Variants in B3GALNT2 observed in about 807,000 individuals in gnomAD.
B3GALNT2 encodes UDP-GalNAc:beta-1,3-N-acetylgalactosaminyltransferase 2.
Under a neutral mutation model 61.1 loss-of-function variants are expected in B3GALNT2, and 53 were observed. The ratio of observed to expected loss-of-function variants is 0.87; its 90% CI spans 0.70 to 1.09. B3GALNT2 has a LOEUF of 1.09. Ranked by LOEUF, B3GALNT2 falls within the 50% of genes least tolerant of loss-of-function variation. B3GALNT2 has a pLI of 0.00. For missense variants in B3GALNT2, 544 were observed against 623.0 expected (o/e 0.87, Z 1.35); for synonymous variants, 223 against 237.4 (o/e 0.94, Z 0.56).
chr1:235,442,604 G>A (rs76192996), downstream of B3GALNT2, among the ~76,000 whole-genome samples: 1,238 of 152,316 alleles, frequency 8.1e-3, 14 homozygotes, highest in African/African-American at 0.029. Context: ...GTGAATTTAT[G>A]ACTTGAAAAC....
chr1:235,457,214 AT>A (rs1428681878), intron 8 of B3GALNT2, among the ~76,000 whole-genome samples: 5 of 152,232 alleles, frequency 3.3e-5, no homozygotes, highest in Admixed American at 3.3e-4. Flanking sequence ...AGGGAACTGT[AT>A]CCGTAAAGTA....
intron 11 of B3GALNT2, among the ~76,000 whole-genome samples, chr1:235,452,685 G>A (rs1682981432): frequency 6.6e-6 from 1 of 152,088 alleles, no homozygotes; most frequent in African/African-American, 2.4e-5. Context: ...GAGTAGCTGG[G>A]ACCACAGGCA....
the B3GALNT2 span, among the ~76,000 whole-genome samples, chr1:235,440,188 T>A: frequency 1.3e-5 from 2 of 152,110 alleles, no homozygotes; most frequent in East Asian, 3.9e-4. Flanking sequence ...GCCAGGATGG[T>A]CTCGATCTCC....
chr1:235,476,004 A>G lies in B3GALNT2; in HGVS notation c.651+4050T>C, dbSNP rs546600775. Among the ~76,000 whole-genome samples the G allele has an allele frequency of 3.9e-5, 6 of 152,250 alleles. No homozygotes were observed. The South Asian group carries it at 1.0e-3, about 26-fold the overall frequency. ...CACACGTGGCCTGCTTGTTTTTTAA[A>G]AGAAAAAATATTATACAAAATTAAT... On this transcript the variant is annotated intron_variant, in intron 5 of 11. Transcript: ENST00000366600.
At chr1:235,457,297 C>T (rs1294865415) in intron 8 of B3GALNT2, among the ~76,000 whole-genome samples, 1 of 151,970 alleles carries the variant, frequency 6.6e-6, no homozygotes, top group Non-Finnish European at 1.5e-5. Flanking sequence ...CTGGGCCTCA[C>T]ACCAAGGAAC....
At chr1:235,471,789 C>T (rs1347919723) in intron 5 of B3GALNT2, among the ~76,000 whole-genome samples, 1 of 152,148 alleles carries the variant, frequency 6.6e-6, no homozygotes. Context: ...CAGCCTCCCG[C>T]GTAGCTGGGA....
intron 8 of B3GALNT2, among the ~76,000 whole-genome samples, chr1:235,458,106 C>A (rs894040241): frequency 2.0e-5 from 3 of 152,036 alleles, no homozygotes; most frequent in Non-Finnish European, 4.4e-5. Context: ...CAGGGTTTCA[C>A]CATGTTGGCC....
At position 235,447,984 on chromosome 1, in the gene B3GALNT2, G is replaced by A. The variant is rs557141092; in HGVS notation, c.*2222C>T. Among the ~76,000 whole-genome samples, 3 of 152,190 alleles carry A rather than the reference G, an allele frequency of 2.0e-5. No homozygotes were observed. Among genetic ancestry groups the A allele is most frequent in the Admixed American group, 1.3e-4 (2 of 15,288 alleles). On this transcript the variant is annotated 3_prime_UTR_variant, in exon 12 of 12. Transcript: ENST00000366600. ...CCAGCACTTTGGGGGGCCAGGGCGG[G>A]CGGATCACGAGGTCAGGAGTTCAAG...
rs779751169 is a variant in B3GALNT2 at position 235,480,063 on chromosome 1, G to C, written c.642C>G (p.Ile214Met). The change falls in exon 5 of 12, where the codon ATC (isoleucine) becomes ATG (methionine). Residue 214 changes from isoleucine (I) to methionine (M), a missense_variant. Physicochemically the swap from Ile to Met is conservative, Grantham distance 10. Coordinates refer to ENST00000366600, the MANE Select transcript of B3GALNT2 (RefSeq NM_152490.5). ...TCCTGCCATCCTGTACCTCTGGTAA[G>C]ATGAATTGTTCCACGGGCTTGTACC... The part of the protein sequence containing the change: ...KLWYKPVEQF[I>M]LPESFEGTIV... The C allele has an allele frequency of 9.9e-6, 16 of 1,613,766 alleles. No individual in the cohort carries two copies. Among genetic ancestry groups the C allele is most frequent in the Non-Finnish European group, 1.4e-5 (16 of 1,179,818 alleles).
At chr1:235,477,860 G>A (rs1473560594) in intron 5 of B3GALNT2, among the ~76,000 whole-genome samples, 1 of 152,180 alleles carries the variant, frequency 6.6e-6, no homozygotes, top group Non-Finnish European at 1.5e-5. Flanking sequence ...TACTGAATGC[G>A]TGGCATATGG....
chr1:235,441,702 G>C, the B3GALNT2 span: 1 of 959,008 alleles, frequency 1.0e-6, no homozygotes, highest in Non-Finnish European at 1.6e-6. Flanking sequence ...ATGTGTCCTG[G>C]GAAAGGCACA....
In B3GALNT2 at chr1:235,494,382, G is replaced by C. The variant is rs752716961; in HGVS notation, c.260+299C>G. 4.6e-5 allele frequency among the ~76,000 whole-genome samples: 7 copies of C among 152,006 alleles called. 1 individual carries two copies. The highest frequency in any genetic ancestry group is 8.8e-5 in the Non-Finnish European group (6 of 67,980). ...CAAACTATATGGAAGAAAAGCAAAT[G>C]AAACAGCCATTTCTCCCAGGAAGAG... On this transcript the variant is annotated intron_variant, in intron 2 of 11. Transcript: ENST00000366600.
At chr1:235,446,854 T>C (rs1220339763), downstream of B3GALNT2, among the ~76,000 whole-genome samples, 1 of 152,040 alleles carries the variant, frequency 6.6e-6, no homozygotes, top group Non-Finnish European at 1.5e-5. Context: ...TTGGCTAATT[T>C]TTTATTTTTT....
At chr1:235,491,039 G>C (rs1299754842) in intron 2 of B3GALNT2, among the ~76,000 whole-genome samples, 1 of 150,540 alleles carries the variant, frequency 6.6e-6, no homozygotes. Context: ...TGCAAATTAA[G>C]CTTAATGTGA....
chr1:235,443,185 C>T (rs56687414), downstream of B3GALNT2, among the ~76,000 whole-genome samples: 20,545 of 139,540 alleles, frequency 0.15, 1,880 homozygotes, highest in African/African-American at 0.26. Context: ...CACACACACA[C>T]ATATATATAT....
chr1:235,494,597 C>T (rs1685226487), intron 2 of B3GALNT2, 84 bp downstream of exon 2: 18 of 1,424,398 alleles, frequency 1.3e-5, no homozygotes, highest in Admixed American at 6.0e-5. Flanking sequence ...GCTGGGACGA[C>T]GGGCACACAC....
intron 1 of B3GALNT2, among the ~76,000 whole-genome samples, chr1:235,499,477 T>C (rs1263634851): frequency 1.3e-5 from 2 of 152,222 alleles, no homozygotes; most frequent in Non-Finnish European, 2.9e-5. Context: ...TTGTTCTAGA[T>C]GGCACAGATA....
At chr1:235,490,077 C>A (rs575107752) in intron 2 of B3GALNT2, among the ~76,000 whole-genome samples, 1 of 152,190 alleles carries the variant, frequency 6.6e-6, no homozygotes, top group South Asian at 2.1e-4. Context: ...CCTCTTGTTC[C>A]CCAGCTTGTC....
intron 1 of B3GALNT2, among the ~76,000 whole-genome samples, chr1:235,500,606 T>C (rs1207117777): frequency 1.3e-5 from 2 of 152,256 alleles, no homozygotes; most frequent in East Asian, 3.9e-4. Context: ...GAGTCACAAA[T>C]AGATACAAAT....
Sources: gnomAD v4.1 joint callset for allele counts (sites outside exome capture counted in the v4.1 genomes callset) on GRCh38, gnomAD v4.1.1 for gene constraint, MANE v1.5 for transcripts, NCBI Gene and HGNC (gene_info 2026-07-23, HGNC 2026-07-21) for gene names.